FOCAD: variants seen among roughly 807,000 people sequenced by gnomAD.
FOCAD encodes KIAA1797.
In FOCAD, 198 loss-of-function variants were observed where a neutral mutation model predicts 225.6. The observed-to-expected ratio is 0.88, with a 90% confidence interval of 0.78 to 0.99. The LOEUF is 0.99. Among genes scored for constraint, FOCAD ranks in the 50% least tolerant of loss-of-function variants. The pLI, the probability that FOCAD is intolerant of heterozygous loss-of-function variation, is 0.00. For synonymous variants in FOCAD, 897 were observed against 755.0 expected, an observed-to-expected ratio of 1.19 and a Z score of -3.08; for missense variants, 2,713 against 2,123.6, an observed-to-expected ratio of 1.28 and a Z score of -5.46.
At chr9:20,854,676 A>G (rs1827991649) in intron 15 of FOCAD, among the ~76,000 whole-genome samples, 2 of 151,796 alleles carry the variant, frequency 1.3e-5, no homozygotes, top group African/African-American at 4.8e-5. Context: ...TCCCCCAGCA[A>G]CAAAGTATGC....
chr9:20,741,569 GAATT>G (rs1827614914), intron 5 of FOCAD, among the ~76,000 whole-genome samples: 1 of 150,590 alleles, frequency 6.6e-6, no homozygotes, highest in South Asian at 2.1e-4. Context: ...GTGGTACAAT[GAATT>G]AATTTATTTT....
chr9:20,950,281 G>C lies in FOCAD; in HGVS notation c.3948+606G>C, dbSNP rs557776966. On this transcript the variant is annotated intron_variant, in intron 33 of 43. Transcript: ENST00000338382. ...CTTCTTTTCAAGTATTCTTTTGTTT[G>C]CATAGTTGGTATTCTTAGTGTATAT... is the stretch of plus-strand genomic sequence containing the variant. Among the ~76,000 whole-genome samples the C allele has an allele frequency of 2.6e-5, 4 of 152,120 alleles. No individual in the cohort carries two copies. The East Asian group carries it at 7.7e-4, about 29-fold the overall frequency.
At chr9:20,803,233 A>C (rs1246123103) in intron 11 of FOCAD, among the ~76,000 whole-genome samples, 1 of 152,078 alleles carries the variant, frequency 6.6e-6, no homozygotes, top group Non-Finnish European at 1.5e-5. Context: ...TGCTGGGGAA[A>C]GTTGCTAGAG....
chr9:20,885,921 T>C (rs2131866511), intron 21 of FOCAD, among the ~76,000 whole-genome samples: 1 of 152,310 alleles, frequency 6.6e-6, no homozygotes, highest in African/African-American at 2.4e-5. Flanking sequence ...ACATAGTAGG[T>C]TATATATCAG....
chr9:20,850,258 C>T (rs576919691), intron 15 of FOCAD, among the ~76,000 whole-genome samples: 1 of 151,738 alleles, frequency 6.6e-6, no homozygotes, highest in African/African-American at 2.4e-5. Flanking sequence ...TGAAGCATAA[C>T]TGTAATAGAA....
intron 7 of FOCAD, among the ~76,000 whole-genome samples, chr9:20,767,303 A>G (rs541364081): frequency 1.4e-4 from 21 of 149,526 alleles, no homozygotes; most frequent in South Asian, 4.3e-4. Context: ...ATGTGTCTTT[A>G]TAGCAGCAAG....
At chr9:20,914,646 C>T (rs536860042) in intron 23 of FOCAD, among the ~76,000 whole-genome samples, 17 of 152,038 alleles carry the variant, frequency 1.1e-4, no homozygotes, top group African/African-American at 3.4e-4. Flanking sequence ...GCATGGAGAG[C>T]GCAAGGATGG....
intron 2 of FOCAD, among the ~76,000 whole-genome samples, chr9:20,669,974 G>A (rs1822011271): frequency 6.6e-6 from 1 of 152,158 alleles, no homozygotes; most frequent in Admixed American, 6.5e-5. Flanking sequence ...TTGAGGAATT[G>A]TGAGAACTGA....
chr9:20,933,724 C>CAT (rs781131168), intron 28 of FOCAD, among the ~76,000 whole-genome samples: 85 of 152,218 alleles, frequency 5.6e-4, no homozygotes, highest in Admixed American at 8.5e-4. Flanking sequence ...CCTGTGAGTA[C>CAT]ATACCCAGTA....
intron 2 of FOCAD, among the ~76,000 whole-genome samples, chr9:20,677,980 A>T (rs1171746123): frequency 6.6e-6 from 1 of 152,212 alleles, no homozygotes; most frequent in Non-Finnish European, 1.5e-5. Flanking sequence ...GTGTGTGTGT[A>T]TATGAAGATA....
intron 24 of FOCAD, among the ~76,000 whole-genome samples, chr9:20,918,461 C>T (rs967738707): frequency 1.3e-5 from 2 of 152,222 alleles, no homozygotes; most frequent in Non-Finnish European, 2.9e-5. Flanking sequence ...CGGTGGCTCA[C>T]GCCTGTAATC....
chr9:20,977,539 G>T (rs1039004234), intron 36 of FOCAD, among the ~76,000 whole-genome samples: 4 of 152,176 alleles, frequency 2.6e-5, no homozygotes, highest in Admixed American at 6.6e-5. Flanking sequence ...AAGTAAGAAG[G>T]GGAGATGAAG....
rs181446294 is a variant in FOCAD, at chr9:20,877,368, A to G, written c.2317+2561A>G. 3.8e-3 allele frequency among the ~76,000 whole-genome samples: 573 copies of G among 152,296 alleles called. 4 individuals are homozygous for G. The highest frequency in any genetic ancestry group is 0.013 in the African/African-American group (547 of 41,560). ...AATGTAATTCTAGAAAAATAATAAAATGTTCTTTAAAAGATGTTTATTTAC... is the reference window on the plus strand; with the variant it reads ...AATGTAATTCTAGAAAAATAATAAAGTGTTCTTTAAAAGATGTTTATTTAC... On this transcript the variant is annotated intron_variant, in intron 19 of 43. Coordinates refer to ENST00000338382, the MANE Select transcript of FOCAD (RefSeq NM_001375567.1).
intron 1 of FOCAD, among the ~76,000 whole-genome samples, chr9:20,691,126 A>G (rs1369926462): frequency 6.6e-6 from 1 of 151,984 alleles, no homozygotes; most frequent in East Asian, 1.9e-4. Flanking sequence ...TATTTTTAGT[A>G]GAGATGGGGT....
intron 8 of FOCAD, among the ~76,000 whole-genome samples, chr9:20,771,559 G>C (rs1346162558): frequency 6.6e-6 from 1 of 152,144 alleles, no homozygotes; most frequent in African/African-American, 2.4e-5. Flanking sequence ...AGGAGTTCGA[G>C]AGCAGCCTGA....
intron 15 of FOCAD, among the ~76,000 whole-genome samples, chr9:20,835,869 A>G (rs1046030726): frequency 6.6e-6 from 1 of 152,042 alleles, no homozygotes; most frequent in Non-Finnish European, 1.5e-5. Context: ...ATATTTTCAA[A>G]GCCAAGCATT....
At chr9:20,904,087 C>G (rs1341993118) in intron 21 of FOCAD, among the ~76,000 whole-genome samples, 2 of 151,966 alleles carry the variant, frequency 1.3e-5, no homozygotes, top group African/African-American at 2.4e-5. Flanking sequence ...TGTATCAGTA[C>G]TTCATTCTTT....
intron 30 of FOCAD, among the ~76,000 whole-genome samples, chr9:20,947,352 G>T (rs944134747): frequency 2.6e-5 from 4 of 152,114 alleles, no homozygotes; most frequent in Non-Finnish European, 5.9e-5. Context: ...ACTAGAACAC[G>T]GATGAACCTT....
intron 15 of FOCAD, among the ~76,000 whole-genome samples, chr9:20,855,384 T>C (rs1828067924): frequency 6.6e-6 from 1 of 151,612 alleles, no homozygotes; most frequent in South Asian, 2.1e-4. Context: ...TTGAAAGCCA[T>C]GTTAAGTGTT....
Sources: gnomAD v4.1 joint callset for allele counts (sites outside exome capture counted in the v4.1 genomes callset) on GRCh38, gnomAD v4.1.1 for gene constraint, MANE v1.5 for transcripts, NCBI Gene and HGNC (gene_info 2026-07-23, HGNC 2026-07-21) for gene names.